The following CDC14A variants were observed in gnomAD, a reference collection of about 807,000 sequenced individuals.
The protein encoded by CDC14A is dual specificity protein phosphatase CDC14A.
Under a neutral mutation model 74.4 loss-of-function variants are expected in CDC14A, and 53 were observed. The observed-to-expected ratio is 0.71, with a 90% CI of 0.57 to 0.89. The LOEUF (loss-of-function observed/expected upper bound fraction) is 0.89. Ranked by LOEUF, CDC14A falls within the 40% of genes least tolerant of loss-of-function variation. The pLI is 0.00. For synonymous variants in CDC14A, 247 were observed against 258.4 expected (o/e 0.96, Z 0.43); for missense variants, 646 against 713.7 (o/e 0.91, Z 1.08).
chr1:100,413,498 T>C (rs553816574), intron 4 of CDC14A, among the ~76,000 whole-genome samples: 1 of 152,362 alleles, frequency 6.6e-6, no homozygotes, highest in African/African-American at 2.4e-5. Context: ...CAATTCTATG[T>C]ACAGTTCCTT....
chr1:100,393,015 A>T (rs974615990), intron 4 of CDC14A: 1 of 1,324,902 alleles, frequency 7.5e-7, no homozygotes, highest in Admixed American at 2.0e-5. Flanking sequence ...CAACTTTTCT[A>T]CCCGCGAAAT....
intron 2 of CDC14A, among the ~76,000 whole-genome samples, chr1:100,362,157 T>C (rs956897576): frequency 1.3e-5 from 2 of 152,170 alleles, no homozygotes; most frequent in African/African-American, 4.8e-5. Flanking sequence ...TCTTTGTCTT[T>C]TGTGATCTTT....
chr1:100,398,751 T>C (rs1658881953), intron 4 of CDC14A, among the ~76,000 whole-genome samples: 1 of 152,098 alleles, frequency 6.6e-6, no homozygotes, highest in Non-Finnish European at 1.5e-5. Context: ...TTTTTTGAGG[T>C]ATTTTCATGT....
chr1:100,450,055 T>C (rs1412914101), intron 7 of CDC14A, among the ~76,000 whole-genome samples: 2 of 152,170 alleles, frequency 1.3e-5, no homozygotes, highest in Non-Finnish European at 2.9e-5. Context: ...CACAGATTGC[T>C]AGATGTTTTA....
intron 4 of CDC14A, among the ~76,000 whole-genome samples, chr1:100,392,096 AC>A (rs2100990485): frequency 6.6e-6 from 1 of 152,224 alleles, no homozygotes; most frequent in Admixed American, 6.5e-5. Context: ...GGATGTAATG[AC>A]CCCTACATTT....
chr1:100,428,837 A>G (rs549205809), intron 5 of CDC14A, among the ~76,000 whole-genome samples: 35 of 152,250 alleles, frequency 2.3e-4, no homozygotes, highest in African/African-American at 7.7e-4. Context: ...TTCTTTGTTT[A>G]TTGGTCCATA....
At chr1:100,491,356 A>C (rs961033818) in intron 11 of CDC14A, among the ~76,000 whole-genome samples, 1 of 151,454 alleles carries the variant, frequency 6.6e-6, no homozygotes, top group Non-Finnish European at 1.5e-5. Context: ...CAGAATGTTA[A>C]TGTGTGTTGC....
chr1:100,440,805 G>A (rs1664844533), intron 6 of CDC14A, among the ~76,000 whole-genome samples: 1 of 152,070 alleles, frequency 6.6e-6, no homozygotes, highest in African/African-American at 2.4e-5. Context: ...GAGAAAATTG[G>A]TGTGATAAAT....
intron 10 of CDC14A, among the ~76,000 whole-genome samples, chr1:100,471,375 C>T (rs916000843): frequency 6.6e-6 from 1 of 152,086 alleles, no homozygotes; most frequent in Admixed American, 6.5e-5. Context: ...GTTGTAATTC[C>T]ATATACTAGC....
rs771516972 is a variant in CDC14A at position 100,494,925 on chromosome 1, A to T, written c.1245A>T (p.Ala415=). The part of the protein sequence containing the change: ...QRQPRTSPSC[A]FRSDDTKGHP... ...AGCCACGTACCTCACCATCCTGTGC[A>T]TTTAGGTAGATCTGTTTTAAACACT... Residue 415 remains alanine, a synonymous_variant, in exon 12 of 16, where the codon GCA becomes GCT. Coordinates refer to ENST00000336454, the MANE Select transcript of CDC14A (RefSeq NM_003672.4). 7.7e-6 allele frequency: 12 copies of T among 1,565,432 alleles called. No individual in the cohort carries two copies. In the East Asian group the frequency reaches 2.5e-4, roughly 32 times the overall value.
rs199913688 is a variant in CDC14A at position 100,490,437 on chromosome 1, AAAG to A, written c.1138-4376_1138-4374del. Reference sequence around the variant, plus strand: ...GTACAATGGCCACAGAGAAAAAATAAAAGAAGATTAGTTTAGACAAAAATAGTA... The same window carrying A: ...GTACAATGGCCACAGAGAAAAAATAAAAGATTAGTTTAGACAAAAATAGTA... On this transcript the variant is annotated intron_variant, in intron 11 of 15. Transcript: ENST00000336454. 4.4e-3 allele frequency among the ~76,000 whole-genome samples: 663 copies of A among 152,314 alleles called. 4 individuals are homozygous for A. Among genetic ancestry groups the A allele is most frequent in the African/African-American group, 0.014 (584 of 41,560 alleles).
intron 3 of CDC14A, among the ~76,000 whole-genome samples, chr1:100,390,213 T>C (rs958140939): frequency 1.3e-5 from 2 of 152,218 alleles, no homozygotes; most frequent in Non-Finnish European, 2.9e-5. Flanking sequence ...ATTAACCAAG[T>C]ATTTTCAGAT....
At chr1:100,484,782 AT>A (rs1669864044) in intron 11 of CDC14A, 1 of 991,328 alleles carries the variant, frequency 1.0e-6, no homozygotes. Context: ...AATTGAGGAA[AT>A]AATACATACC....
rs532427376 is a variant in CDC14A, at chr1:100,472,170, A to G, written c.977+4076A>G. ...TGTAAGAAACATGAAAAGACATTTC[A>G]TAGAAGAGAATGTACAAATGGCCAA... On this transcript the variant is annotated intron_variant, in intron 10 of 15. Transcript: ENST00000336454. Among the ~76,000 whole-genome samples the G allele has an allele frequency of 6.0e-4, 91 of 152,314 alleles. 1 individual carries two copies. Among genetic ancestry groups the G allele is most frequent in the Admixed American group, 4.6e-3 (71 of 15,302 alleles).
chr1:100,398,827 T>C (rs1377116649), intron 4 of CDC14A, among the ~76,000 whole-genome samples: 1 of 151,962 alleles, frequency 6.6e-6, no homozygotes, highest in Admixed American at 6.6e-5. Context: ...GGTGTGGGTG[T>C]GGAGGGCTGG....
At chr1:100,468,159 C>T (rs1571270063) in intron 10 of CDC14A, 65 bp downstream of exon 10, 2 of 1,578,578 alleles carry the variant, frequency 1.3e-6, no homozygotes, top group East Asian at 4.5e-5. Flanking sequence ...TCTTGTTCCC[C>T]TGGTTGTGGA....
At chr1:100,375,976 T>A (rs1360149235) in intron 2 of CDC14A, among the ~76,000 whole-genome samples, 2 of 152,112 alleles carry the variant, frequency 1.3e-5, no homozygotes, top group Non-Finnish European at 2.9e-5. Flanking sequence ...CCATAAAAAA[T>A]GATGAGTTCA....
intron 4 of CDC14A, among the ~76,000 whole-genome samples, chr1:100,391,744 T>C (rs890104045): frequency 6.6e-6 from 1 of 152,152 alleles, no homozygotes; most frequent in African/African-American, 2.4e-5. Flanking sequence ...CCAAAAGCTC[T>C]AGGGGAAAAA....
At chr1:100,378,790 A>G (rs1358363867) in intron 3 of CDC14A, among the ~76,000 whole-genome samples, 2 of 152,212 alleles carry the variant, frequency 1.3e-5, no homozygotes, top group African/African-American at 4.8e-5. Context: ...CAACTTTTGT[A>G]GGAATTAACT....
Sources: gnomAD v4.1 joint callset for allele counts (sites outside exome capture counted in the v4.1 genomes callset) on GRCh38, gnomAD v4.1.1 for gene constraint, MANE v1.5 for transcripts, NCBI Gene and HGNC (gene_info 2026-07-23, HGNC 2026-07-21) for gene names.